The following SEMA5A variants were observed in gnomAD, a reference collection of about 807,000 sequenced individuals.
SEMA5A encodes the protein semaphorin 5A.
A neutral mutation model predicts 135.5 loss-of-function variants in SEMA5A; 55 were observed. That is an observed-to-expected ratio of 0.41 (90% CI 0.33 to 0.51). The LOEUF (loss-of-function observed/expected upper bound fraction) is 0.51, where lower values mean the gene tolerates loss of function less well. Ranked by LOEUF, SEMA5A falls within the 20% of genes least tolerant of loss-of-function variation. The pLI, the probability that SEMA5A is intolerant of heterozygous loss-of-function variation, is 0.37. For missense variants in SEMA5A, 1,290 were observed against 1,419.9 expected, an observed-to-expected ratio of 0.91 and a Z score of 1.47; for synonymous variants, 580 against 546.5, an observed-to-expected ratio of 1.06 and a Z score of -0.85.
intron 1 of SEMA5A, among the ~76,000 whole-genome samples, chr5:9,449,632 C>G (rs928113730): frequency 1.3e-5 from 2 of 151,930 alleles, no homozygotes; most frequent in Non-Finnish European, 2.9e-5. Flanking sequence ...ATTTTTATCT[C>G]AGAATGTGTG....
At chr5:9,099,634 C>T (rs952706605) in intron 16 of SEMA5A, among the ~76,000 whole-genome samples, 2 of 152,194 alleles carry the variant, frequency 1.3e-5, no homozygotes, top group Non-Finnish European at 2.9e-5. Context: ...AGGGACATGT[C>T]TTTCCCCATC....
At chr5:9,167,427 C>G (rs928999219) in intron 11 of SEMA5A, among the ~76,000 whole-genome samples, 2 of 152,178 alleles carry the variant, frequency 1.3e-5, no homozygotes, top group Non-Finnish European at 2.9e-5. Context: ...CACCTGAAAT[C>G]CTGAATCCAC....
At chr5:9,397,330 T>TA (rs1756450857) in intron 2 of SEMA5A, among the ~76,000 whole-genome samples, 1 of 152,228 alleles carries the variant, frequency 6.6e-6, no homozygotes, top group Non-Finnish European at 1.5e-5. Flanking sequence ...GCTGCACCTA[T>TA]CAGTGCCAGG....
intron 1 of SEMA5A, among the ~76,000 whole-genome samples, chr5:9,535,088 C>T (rs79060650): frequency 0.013 from 1,958 of 152,360 alleles, 17 homozygotes; most frequent in Non-Finnish European, 0.022. Flanking sequence ...CTTCCCACCT[C>T]CCAGCTTCAT....
At chr5:9,281,753 G>C (rs1750552105) in intron 5 of SEMA5A, among the ~76,000 whole-genome samples, 1 of 151,874 alleles carries the variant, frequency 6.6e-6, no homozygotes, top group South Asian at 2.1e-4. Context: ...TCCAAGACCG[G>C]GGAGAAGACG....
At chr5:9,348,168 G>A (rs1242292103) in intron 3 of SEMA5A, among the ~76,000 whole-genome samples, 1 of 152,164 alleles carries the variant, frequency 6.6e-6, no homozygotes, top group Admixed American at 6.5e-5. Context: ...TTCAAAATCT[G>A]CCTCACAGGC....
chr5:9,425,795 T>C (rs934712745), intron 2 of SEMA5A, among the ~76,000 whole-genome samples: 2 of 152,210 alleles, frequency 1.3e-5, no homozygotes, highest in African/African-American at 2.4e-5. Flanking sequence ...ATAATTCTTT[T>C]CTGTAATAGT....
At chr5:9,324,943 T>C (rs1752803643) in intron 4 of SEMA5A, among the ~76,000 whole-genome samples, 2 of 152,178 alleles carry the variant, frequency 1.3e-5, no homozygotes, top group Admixed American at 6.5e-5. Context: ...GGCAATGCTT[T>C]GAGCAACCCA....
intron 5 of SEMA5A, among the ~76,000 whole-genome samples, chr5:9,300,353 T>G (rs1412805023): frequency 6.6e-6 from 1 of 152,190 alleles, no homozygotes; most frequent in Admixed American, 6.5e-5. Context: ...TAATGCCATG[T>G]CCTGGGTGCT....
At chr5:9,477,004 T>C (rs1759693248) in intron 1 of SEMA5A, among the ~76,000 whole-genome samples, 1 of 152,144 alleles carries the variant, frequency 6.6e-6, no homozygotes, top group South Asian at 2.1e-4. Context: ...AATCCCCATA[T>C]ATCAAGGGAG....
At chr5:9,151,738 C>T (rs900876957) in intron 12 of SEMA5A, among the ~76,000 whole-genome samples, 6 of 152,158 alleles carry the variant, frequency 3.9e-5, no homozygotes. Context: ...AACTAACCCC[C>T]TCTGAGGAAG....
chr5:9,441,435 T>C (rs1758228793), intron 1 of SEMA5A, among the ~76,000 whole-genome samples: 1 of 151,838 alleles, frequency 6.6e-6, no homozygotes, highest in South Asian at 2.1e-4. Context: ...AGAAGAGCCA[T>C]TTACGCCAGC....
intron 11 of SEMA5A, among the ~76,000 whole-genome samples, chr5:9,175,238 G>A (rs1744140844): frequency 6.6e-6 from 1 of 152,028 alleles, no homozygotes; most frequent in Non-Finnish European, 1.5e-5. Context: ...CTCTTTTCTT[G>A]CAGGATTCCT....
rs10074954 is a variant in SEMA5A at position 9,351,825 on chromosome 5, C to A, written c.125-14013G>T. ...TAGCTAAAAACTTTTGGAAGCCAAT[C>A]AAATCTCAAGTCTCAAAGCTGTACT... On this transcript the variant is annotated intron_variant, in intron 3 of 22. Coordinates refer to ENST00000382496, the MANE Select transcript of SEMA5A (RefSeq NM_003966.3). Among the ~76,000 whole-genome samples, 740 of 152,272 alleles carry A rather than the reference C, an allele frequency of 4.9e-3. 6 individuals carry two copies. The highest frequency in any genetic ancestry group is 0.017 in the African/African-American group (709 of 41,566).
At chr5:9,375,006 G>A (rs1025479514) in intron 3 of SEMA5A, among the ~76,000 whole-genome samples, 6 of 152,066 alleles carry the variant, frequency 3.9e-5, no homozygotes, top group Non-Finnish European at 5.9e-5. Flanking sequence ...CCTTCCCATC[G>A]CCATTTGAGG....
chr5:9,497,760 G>A (rs1420790012), intron 1 of SEMA5A, among the ~76,000 whole-genome samples: 1 of 152,220 alleles, frequency 6.6e-6, no homozygotes, highest in Non-Finnish European at 1.5e-5. Flanking sequence ...CAGTGGCTCA[G>A]CCATGAAGCT....
intron 13 of SEMA5A, among the ~76,000 whole-genome samples, chr5:9,135,470 C>T (rs988432993): frequency 1.3e-5 from 2 of 151,882 alleles, no homozygotes; most frequent in African/African-American, 2.4e-5. Flanking sequence ...CATGAGCCAC[C>T]GTGCCCGGCC....
chr5:9,443,433 T>C (rs1758313467), intron 1 of SEMA5A, among the ~76,000 whole-genome samples: 1 of 152,122 alleles, frequency 6.6e-6, no homozygotes, highest in East Asian at 1.9e-4. Flanking sequence ...TGTCCTGAAA[T>C]GGTGCAGCCA....
intron 2 of SEMA5A, among the ~76,000 whole-genome samples, chr5:9,387,087 A>G (rs1755928260): frequency 6.6e-6 from 1 of 152,208 alleles, no homozygotes; most frequent in Non-Finnish European, 1.5e-5. Flanking sequence ...GTGCAGTGAC[A>G]GGCCACATCA....
Sources: gnomAD v4.1 joint callset for allele counts (sites outside exome capture counted in the v4.1 genomes callset) on GRCh38, gnomAD v4.1.1 for gene constraint, MANE v1.5 for transcripts, NCBI Gene and HGNC (gene_info 2026-07-23, HGNC 2026-07-21) for gene names.